CTNNA3: variants seen among roughly 807,000 people sequenced by gnomAD.
CTNNA3 encodes catenin alpha 3.
A neutral mutation model predicts 95.7 loss-of-function variants in CTNNA3; 76 were observed. The observed-to-expected ratio is 0.79, with a 90% CI of 0.66 to 0.96. CTNNA3 has a LOEUF of 0.96. CTNNA3 is among the 40% of genes least tolerant of loss of function. The probability of loss-of-function intolerance (pLI) is 0.00; values close to 1 mark genes in which losing one functional copy is unlikely to be tolerated. For synonymous variants in CTNNA3, 431 were observed against 374.4 expected (o/e 1.15, Z -1.74); for missense variants, 1,191 against 1,089.8 (o/e 1.09, Z -1.31).
intron 4 of CTNNA3, among the ~76,000 whole-genome samples, chr10:67,538,157 T>TAAAAAAAAAAAAAAAAAA: frequency 1.7e-5 from 1 of 59,190 alleles, no homozygotes; most frequent in Admixed American, 1.9e-4. Flanking sequence ...CTACTTAAAC[T>TAAAAAAAAAAAAAAAAAA]AAAAAAAAAA....
chr10:66,438,897 C>A (rs2093356662), intron 11 of CTNNA3, among the ~76,000 whole-genome samples: 1 of 152,122 alleles, frequency 6.6e-6, no homozygotes, highest in African/African-American at 2.4e-5. Flanking sequence ...GGCCAGAGTG[C>A]ACTGTTCCTC....
intron 7 of CTNNA3, among the ~76,000 whole-genome samples, chr10:67,116,039 G>T (rs1203143322): frequency 6.6e-6 from 1 of 150,924 alleles, no homozygotes; most frequent in African/African-American, 2.4e-5. Context: ...TTTTTCTCTA[G>T]CTTGCTAAAG....
At chr10:66,624,473 T>G (rs1844862724) in intron 9 of CTNNA3, among the ~76,000 whole-genome samples, 1 of 152,116 alleles carries the variant, frequency 6.6e-6, no homozygotes, top group Non-Finnish European at 1.5e-5. Context: ...CCTAAAGAAA[T>G]TTAACAATAT....
chr10:67,348,347 A>G (rs959622460), intron 5 of CTNNA3, among the ~76,000 whole-genome samples: 9 of 152,218 alleles, frequency 5.9e-5, no homozygotes, highest in Non-Finnish European at 1.2e-4. Flanking sequence ...AACAATTGAC[A>G]GGGTGAAAAC....
chr10:67,354,662 A>G (rs10997619), intron 5 of CTNNA3, among the ~76,000 whole-genome samples: 11,789 of 152,044 alleles, frequency 0.078, 711 homozygotes, highest in African/African-American at 0.17. Context: ...TATCTAGGGA[A>G]TGCAATTGCA....
intron 13 of CTNNA3, among the ~76,000 whole-genome samples, chr10:66,162,153 G>A (rs57806256): frequency 0.18 from 26,705 of 151,196 alleles, 2,517 homozygotes; most frequent in Admixed American, 0.25. Context: ...GCCTTTCTCT[G>A]GTGCCTCCCT....
At chr10:67,619,901 C>A (rs1843772990) in intron 2 of CTNNA3, among the ~76,000 whole-genome samples, 1 of 152,048 alleles carries the variant, frequency 6.6e-6, no homozygotes, top group African/African-American at 2.4e-5. Context: ...TAATACATAA[C>A]AATGTAAATG....
At chr10:66,902,936 T>A (rs1845817923) in intron 7 of CTNNA3, among the ~76,000 whole-genome samples, 3 of 152,158 alleles carry the variant, frequency 2.0e-5, no homozygotes. Context: ...ACAGATGAAT[T>A]CTACCCGAAG....
chr10:67,361,200 C>A (rs970670535), intron 5 of CTNNA3, among the ~76,000 whole-genome samples: 2 of 152,102 alleles, frequency 1.3e-5, no homozygotes, highest in African/African-American at 2.4e-5. Flanking sequence ...ACACCACTGA[C>A]AGCATTAGAC....
At chr10:66,644,205 G>A (rs1845612119) in intron 9 of CTNNA3, among the ~76,000 whole-genome samples, 1 of 151,786 alleles carries the variant, frequency 6.6e-6, no homozygotes, top group Non-Finnish European at 1.5e-5. Context: ...GCTTCAGTAA[G>A]CCATGATCAT....
At chr10:66,322,402 T>C (rs980172480) in intron 12 of CTNNA3, among the ~76,000 whole-genome samples, 4 of 151,978 alleles carry the variant, frequency 2.6e-5, no homozygotes, top group Non-Finnish European at 1.5e-5. Context: ...GATTTAGACA[T>C]GAGCAGAGGA....
chr10:66,128,314 T>C (rs1461562255), intron 13 of CTNNA3, among the ~76,000 whole-genome samples: 4 of 152,132 alleles, frequency 2.6e-5, no homozygotes, highest in Non-Finnish European at 4.4e-5. Flanking sequence ...AACTTTCAAA[T>C]ATGCCAGGTC....
At chr10:66,673,142 G>A (rs1846723886) in intron 9 of CTNNA3, among the ~76,000 whole-genome samples, 1 of 151,932 alleles carries the variant, frequency 6.6e-6, no homozygotes, top group Non-Finnish European at 1.5e-5. Flanking sequence ...TTGCTAATGA[G>A]GCATTAAATG....
intron 9 of CTNNA3, among the ~76,000 whole-genome samples, chr10:66,725,201 C>G (rs758271393): frequency 6.6e-6 from 1 of 152,094 alleles, no homozygotes; most frequent in Non-Finnish European, 1.5e-5. Flanking sequence ...CCACATTTTT[C>G]ATCTGTAGTT....
intron 5 of CTNNA3, among the ~76,000 whole-genome samples, chr10:67,344,023 T>C (rs940259425): frequency 6.6e-6 from 1 of 150,994 alleles, no homozygotes; most frequent in Non-Finnish European, 1.5e-5. Flanking sequence ...CCAGGTTTTT[T>C]AGGGTTTTTA....
chr10:66,075,903 T>C (rs1459601755), intron 14 of CTNNA3, among the ~76,000 whole-genome samples: 3 of 151,730 alleles, frequency 2.0e-5, no homozygotes, highest in African/African-American at 7.2e-5. Context: ...AGGTAAATCA[T>C]ATAACTTTGC....
At chr10:67,192,651 T>A (rs1168484684) in intron 6 of CTNNA3, among the ~76,000 whole-genome samples, 1 of 151,884 alleles carries the variant, frequency 6.6e-6, no homozygotes, top group Admixed American at 6.6e-5. Flanking sequence ...ACACTGCTGG[T>A]GGGAATGTAA....
chr10:66,582,873 T>C lies in CTNNA3; in HGVS notation c.1374+38819A>G, dbSNP rs911192676. 2.0e-4 allele frequency among the ~76,000 whole-genome samples: 30 copies of C among 151,884 alleles called. 2 individuals carry two copies. The highest frequency in any genetic ancestry group is 1.4e-3 in the Admixed American group (21 of 15,226). On this transcript the variant is annotated intron_variant, in intron 10 of 17. Transcript: ENST00000433211. Reference sequence around the variant, plus strand: ...GTCATGCTGGATTTTATTGAATGCTTTTTCTGCATCTATAGAAATGATCAT... The same window carrying C: ...GTCATGCTGGATTTTATTGAATGCTCTTTCTGCATCTATAGAAATGATCAT...
intron 5 of CTNNA3, among the ~76,000 whole-genome samples, chr10:67,297,542 G>A (rs1231226634): frequency 6.6e-6 from 1 of 152,090 alleles, no homozygotes; most frequent in Non-Finnish European, 1.5e-5. Flanking sequence ...TCCATAAATG[G>A]ACCACATATT....
Sources: gnomAD v4.1 joint callset for allele counts (sites outside exome capture counted in the v4.1 genomes callset) on GRCh38, gnomAD v4.1.1 for gene constraint, MANE v1.5 for transcripts, NCBI Gene and HGNC (gene_info 2026-07-23, HGNC 2026-07-21) for gene names.